Variants in HBS1L observed in about 807,000 individuals in gnomAD.
HBS1L encodes the protein HBS1-like protein.
A neutral mutation model predicts 88.9 loss-of-function variants in HBS1L; 55 were observed. That is an observed-to-expected ratio of 0.62 (90% CI 0.50 to 0.77). The LOEUF (loss-of-function observed/expected upper bound fraction) is 0.77, where lower values mean the gene tolerates loss of function less well. Ranked by LOEUF, HBS1L falls within the 30% of genes least tolerant of loss-of-function variation. The pLI is 0.00. For missense variants in HBS1L, 741 were observed against 829.3 expected (o/e 0.89, Z 1.31); for synonymous variants, 267 against 288.5 (o/e 0.93, Z 0.76).
intron 4 of HBS1L, among the ~76,000 whole-genome samples, chr6:135,011,814 G>A (rs924609560): frequency 2.0e-5 from 3 of 151,142 alleles, no homozygotes; most frequent in Non-Finnish European, 4.4e-5. Flanking sequence ...GCTGAGGCAG[G>A]AGAATCACTT....
intron 7 of HBS1L, among the ~76,000 whole-genome samples, chr6:134,995,508 A>C (rs1775265113): frequency 6.6e-6 from 1 of 151,988 alleles, no homozygotes; most frequent in African/African-American, 2.4e-5. Flanking sequence ...AAAAAGCTAA[A>C]ATGACTGACC....
chr6:134,983,284 A>T (rs1267008762), intron 12 of HBS1L: 1 of 152,188 alleles, frequency 6.6e-6, no homozygotes, highest in Non-Finnish European at 1.5e-5. Flanking sequence ...TTCATCCTGC[A>T]GTTAAGTAAT....
intron 4 of HBS1L, among the ~76,000 whole-genome samples, chr6:135,038,948 C>A (rs561808930): frequency 6.6e-6 from 1 of 152,154 alleles, no homozygotes; most frequent in East Asian, 1.9e-4. Context: ...TTAAAAAGTT[C>A]TATAAGCTAC....
At position 134,979,258 on chromosome 6, in the gene HBS1L, CAG is replaced by C. The variant is rs776107760; in HGVS notation, c.1606_1607del (p.Leu536AlafsTer2). On this transcript the variant is annotated frameshift_variant, in exon 14 of 18. Transcript: ENST00000367837. LOFTEE classifies it high-confidence loss of function. ...NETCTVKGIT[L>X]HDEPVDWAAA... is the part of the protein sequence containing the mutation. ...CCGCCCAGTCGACAGGTTCATCATGCAGAGTGATTCCTGGAAATGAGTAAGAA... is the reference window on the plus strand; with the variant it reads ...CCGCCCAGTCGACAGGTTCATCATGCAGTGATTCCTGGAAATGAGTAAGAA... 6.2e-7 allele frequency: 1 copy of C among 1,611,400 alleles called. No homozygotes were observed. The highest frequency in any genetic ancestry group is 8.5e-7 in the Non-Finnish European group (1 of 1,178,058).
chr6:135,032,934 G>GAAAAAGGAAAAGCTT (rs1464497347), intron 4 of HBS1L, among the ~76,000 whole-genome samples: 1 of 151,662 alleles, frequency 6.6e-6, no homozygotes, highest in Non-Finnish European at 1.5e-5. Flanking sequence ...TAGTAACTAG[G>GAAAAAGGAAAAGCTT]AAAAAGGAAA....
chr6:135,045,788 G>A lies in HBS1L; in HGVS notation c.110-3662C>T, dbSNP rs777017950. ...AGCCAAGTGGAGGTTGAGGTGAGCC[G>A]AGATCGTGCCACTGCACTCCAGCCT... On this transcript the variant is annotated intron_variant, in intron 2 of 17. Transcript: ENST00000367837. Among the ~76,000 whole-genome samples, 115 of 151,518 alleles carry A rather than the reference G, an allele frequency of 7.6e-4. 1 individual carries two copies. Among genetic ancestry groups the A allele is most frequent in the Non-Finnish European group, 1.2e-3 (80 of 67,954 alleles).
rs1014317000 is a variant in HBS1L, at chr6:134,962,574, T to C, written c.*2705A>G. The C allele has an allele frequency of 3.3e-5, 5 of 152,258 alleles. No homozygotes were observed. The highest frequency in any genetic ancestry group is 2.0e-4 in the Admixed American group (3 of 15,290). 9.4% of individuals were successfully genotyped at this position (152,258 alleles called of 1,614,324 possible). A position where few individuals can be genotyped will look rare whatever the true frequency, so the allele number is the denominator to read the frequency against. ...TTCTCACAGTAGAGAGGCTCAATTGTCATGAATGTGTGAATAATACTAACA... is the reference window on the plus strand; with the variant it reads ...TTCTCACAGTAGAGAGGCTCAATTGCCATGAATGTGTGAATAATACTAACA... On this transcript the variant is annotated 3_prime_UTR_variant, in exon 18 of 18. Transcript: ENST00000367837.
chr6:135,042,860 T>C (rs1046295056), intron 2 of HBS1L, among the ~76,000 whole-genome samples: 3 of 150,098 alleles, frequency 2.0e-5, no homozygotes, highest in Admixed American at 2.0e-4. Flanking sequence ...ACACATGAAG[T>C]GCTAATTTTG....
chr6:134,994,421 T>C (rs1437070452), intron 7 of HBS1L, among the ~76,000 whole-genome samples: 2 of 152,148 alleles, frequency 1.3e-5, no homozygotes, highest in Non-Finnish European at 2.9e-5. Flanking sequence ...TTGTATCCTA[T>C]TTAATTCTTC....
intron 4 of HBS1L, among the ~76,000 whole-genome samples, chr6:135,005,581 T>C (rs1383927731): frequency 2.0e-5 from 3 of 152,296 alleles, no homozygotes; most frequent in Middle Eastern, 3.4e-3. Flanking sequence ...AAAAAGTTTG[T>C]CTGAAAAGGG....
chr6:135,021,427 C>T (rs1241402824), intron 4 of HBS1L, among the ~76,000 whole-genome samples: 1 of 151,978 alleles, frequency 6.6e-6, no homozygotes, highest in Non-Finnish European at 1.5e-5. Context: ...TGTTGTTTTA[C>T]AATCCAAAGA....
intron 1 of HBS1L, among the ~76,000 whole-genome samples, chr6:135,051,798 A>G (rs768625839): frequency 1.8e-4 from 27 of 152,286 alleles, no homozygotes; most frequent in Non-Finnish European, 2.1e-4. Context: ...CACAAAGAAC[A>G]TAAATATATT....
At chr6:134,988,649 T>C (rs966550105) in intron 8 of HBS1L, among the ~76,000 whole-genome samples, 21 of 152,164 alleles carry the variant, frequency 1.4e-4, no homozygotes, top group African/African-American at 5.1e-4. Context: ...TGTTAAAGAT[T>C]TGAAAGACAA....
intron 2 of HBS1L, among the ~76,000 whole-genome samples, chr6:135,044,171 T>C (rs1776838101): frequency 6.6e-6 from 1 of 152,200 alleles, no homozygotes; most frequent in Non-Finnish European, 1.5e-5. Flanking sequence ...TCACCTTTTT[T>C]AAAAGTGTAA....
At chr6:135,040,017 C>T (rs1187864592) in intron 3 of HBS1L, among the ~76,000 whole-genome samples, 1 of 152,106 alleles carries the variant, frequency 6.6e-6, no homozygotes, top group Non-Finnish European at 1.5e-5. Context: ...ACTAATGTTT[C>T]AAAAAAGTGT....
At chr6:135,036,488 A>C (rs2114893428) in intron 4 of HBS1L, 9 of 1,385,196 alleles carry the variant, frequency 6.5e-6, no homozygotes, top group Non-Finnish European at 7.5e-6. Context: ...CCATAATATA[A>C]AGTGATCCTC....
Position 134,998,866 on chromosome 6 carries a change from C to T in HBS1L, c.540-1210G>A, listed in dbSNP as rs143024115. Among the ~76,000 whole-genome samples, 1,152 of 152,278 alleles carry T rather than the reference C, an allele frequency of 7.6e-3. 5 individuals are homozygous for T. Among genetic ancestry groups the T allele is most frequent in the Non-Finnish European group, 0.012 (839 of 67,998 alleles). ...ACCAATTTAGGTGTTCATTTTTGAG[C>T]ACTGCTTAGACAGATGCACTTCATC... On this transcript the variant is annotated intron_variant, in intron 5 of 17. Coordinates refer to ENST00000367837, the MANE Select transcript of HBS1L (RefSeq NM_006620.4).
chr6:135,031,337 A>G (rs1214124712), intron 4 of HBS1L, among the ~76,000 whole-genome samples: 1 of 152,116 alleles, frequency 6.6e-6, no homozygotes, highest in Non-Finnish European at 1.5e-5. Context: ...TTGTAGGAGC[A>G]ATGGTTCAGT....
chr6:135,014,725 T>C (rs1775867846), intron 4 of HBS1L, among the ~76,000 whole-genome samples: 1 of 151,688 alleles, frequency 6.6e-6, no homozygotes, highest in Non-Finnish European at 1.5e-5. Context: ...CTTTAAGACA[T>C]ACAGATAGAG....
Sources: gnomAD v4.1 joint callset for allele counts (sites outside exome capture counted in the v4.1 genomes callset) on GRCh38, gnomAD v4.1.1 for gene constraint, MANE v1.5 for transcripts, NCBI Gene and HGNC (gene_info 2026-07-23, HGNC 2026-07-21) for gene names.